Variants in ERBB4 observed in about 807,000 individuals in gnomAD.
The protein encoded by ERBB4 is erb-b2 receptor tyrosine kinase 4, also known as receptor tyrosine-protein kinase erbB-4.
ERBB4 carries 42 observed loss-of-function variants against 158.0 expected under a neutral mutation model. That is an observed-to-expected ratio of 0.27 (90% CI 0.21 to 0.34). ERBB4 has a LOEUF of 0.34. ERBB4 is among the 10% of genes least tolerant of loss of function. ERBB4 has a pLI of 1.00. For missense variants in ERBB4, 1,333 were observed against 1,624.1 expected (o/e 0.82, Z 3.08); for synonymous variants, 583 against 558.7 (o/e 1.04, Z -0.61).
chr2:212,472,601 T>A (rs1367562427), intron 1 of ERBB4, among the ~76,000 whole-genome samples: 3 of 151,838 alleles, frequency 2.0e-5, no homozygotes, highest in Non-Finnish European at 1.5e-5. Flanking sequence ...AGTATATAAT[T>A]GGAAAGAGCG....
intron 25 of ERBB4, among the ~76,000 whole-genome samples, chr2:211,389,681 A>T (rs544643703): frequency 6.6e-6 from 1 of 152,298 alleles, no homozygotes; most frequent in Non-Finnish European, 1.5e-5. Flanking sequence ...CAACAGACAG[A>T]TCGTTTAATG....
intron 20 of ERBB4, among the ~76,000 whole-genome samples, chr2:211,492,616 A>G (rs747413830): frequency 2.0e-5 from 3 of 152,092 alleles, no homozygotes; most frequent in Non-Finnish European, 4.4e-5. Flanking sequence ...TCAGCAAGAA[A>G]TAGAAAACAA....
intron 7 of ERBB4, among the ~76,000 whole-genome samples, chr2:211,717,101 TA>T (rs574845193): frequency 6.6e-6 from 1 of 152,090 alleles, no homozygotes; most frequent in Non-Finnish European, 1.5e-5. Context: ...AGGACTTGAA[TA>T]AAAGGGAAAG....
intron 3 of ERBB4, among the ~76,000 whole-genome samples, chr2:211,813,357 G>C (rs984339519): frequency 6.6e-6 from 1 of 152,162 alleles, no homozygotes. Flanking sequence ...ACGCTGTGTG[G>C]TTTTGAGACC....
In ERBB4 at chr2:211,788,133, C is replaced by A. The variant is rs1374439919; in HGVS notation, c.448G>T (p.Asp150Tyr). The A allele has an allele frequency of 2.5e-6, 4 of 1,612,352 alleles. No individual in the cohort carries two copies. Among genetic ancestry groups the A allele is most frequent in the Non-Finnish European group, 3.4e-6 (4 of 1,178,728 alleles). ...TEILNGGVYVDQNKFLCYADT... is the reference protein window; with the variant it reads ...TEILNGGVYVYQNKFLCYADT... ...GCATAACAAAGGAATTTGTTCTGGTCTACATAGACTCCACCATTTAGGATT... is the reference window on the plus strand; with the variant it reads ...GCATAACAAAGGAATTTGTTCTGGTATACATAGACTCCACCATTTAGGATT... The change falls in exon 4 of 28, where the codon GAC (aspartate) becomes TAC (tyrosine). Residue 150 changes from aspartate (D) to tyrosine (Y), a missense_variant. Asp to Tyr is a radical substitution (Grantham distance 160). Coordinates refer to ENST00000342788, the MANE Select transcript of ERBB4 (RefSeq NM_005235.3).
At chr2:212,108,660 C>A (rs1471711872) in intron 2 of ERBB4, among the ~76,000 whole-genome samples, 1 of 148,418 alleles carries the variant, frequency 6.7e-6, no homozygotes, top group Non-Finnish European at 1.5e-5. Flanking sequence ...CAACTATTCC[C>A]AATCACTTCA....
chr2:212,150,720 T>C (rs2080839313), intron 1 of ERBB4, among the ~76,000 whole-genome samples: 2 of 152,216 alleles, frequency 1.3e-5, no homozygotes, highest in African/African-American at 4.8e-5. Context: ...GGTTTGGCTG[T>C]GCAAAATTCC....
intron 1 of ERBB4, among the ~76,000 whole-genome samples, chr2:212,239,231 C>T (rs900603983): frequency 2.0e-5 from 3 of 152,054 alleles, no homozygotes; most frequent in African/African-American, 7.2e-5. Flanking sequence ...ATTTAAAAGG[C>T]AGGATCTTGC....
At chr2:211,586,009 T>G (rs2068264124) in intron 19 of ERBB4, among the ~76,000 whole-genome samples, 1 of 152,154 alleles carries the variant, frequency 6.6e-6, no homozygotes, top group Non-Finnish European at 1.5e-5. Context: ...TTCAAGAAAT[T>G]TACATCAAAA....
At chr2:211,581,465 T>C (rs2068102525) in intron 19 of ERBB4, among the ~76,000 whole-genome samples, 1 of 152,126 alleles carries the variant, frequency 6.6e-6, no homozygotes, top group African/African-American at 2.4e-5. Context: ...GCTCACCTCT[T>C]CAAGCCTATG....
In ERBB4 at chr2:212,246,340, A is replaced by G. The variant is rs1307009277; in HGVS notation, c.83-121437T>C. 3.3e-5 allele frequency among the ~76,000 whole-genome samples: 5 copies of G among 152,216 alleles called. No individual in the cohort carries two copies. In the East Asian group the frequency reaches 9.6e-4, roughly 29 times the overall value. ...TTGAATACGGCCACATGACTAATAA[A>G]TGTGCATGAGGTAAAATCTATTCAC... On this transcript the variant is annotated intron_variant, in intron 1 of 27. Transcript: ENST00000342788.
chr2:212,344,687 T>C (rs181398337), intron 1 of ERBB4, among the ~76,000 whole-genome samples: 1 of 152,286 alleles, frequency 6.6e-6, no homozygotes, highest in East Asian at 1.9e-4. Flanking sequence ...AAGTCCTACT[T>C]TCATGGTATA....
At chr2:211,720,135 G>T (rs889787180) in intron 7 of ERBB4, among the ~76,000 whole-genome samples, 1 of 152,170 alleles carries the variant, frequency 6.6e-6, no homozygotes, top group Non-Finnish European at 1.5e-5. Flanking sequence ...AAGAAAAGTT[G>T]TTCCCGGTAA....
In ERBB4 at chr2:212,173,711, T is replaced by C. The variant is rs183859593; in HGVS notation, c.83-48808A>G. On this transcript the variant is annotated intron_variant, in intron 1 of 27. Transcript: ENST00000342788. The stretch of plus-strand genomic sequence containing the variant: ...TGTTGATCTTATTGTGACTGACATA[T>C]AGGCAAATCCTCAGAAGAGAATCAG... Among the ~76,000 whole-genome samples, 6 of 152,090 alleles carry C rather than the reference T, an allele frequency of 3.9e-5. No homozygotes were observed. In the East Asian group the frequency reaches 1.2e-3, roughly 29 times the overall value.
intron 1 of ERBB4, among the ~76,000 whole-genome samples, chr2:212,490,219 T>C (rs1690198986): frequency 1.3e-5 from 2 of 151,852 alleles, no homozygotes; most frequent in Admixed American, 1.3e-4. Flanking sequence ...TTAATCTATA[T>C]ACTATAGTTT....
chr2:212,534,253 T>C (rs890329480), intron 1 of ERBB4, among the ~76,000 whole-genome samples: 1 of 152,254 alleles, frequency 6.6e-6, no homozygotes, highest in African/African-American at 2.4e-5. Context: ...GCACTGTGCA[T>C]AGCCATTAAT....
rs577620535 is a variant in ERBB4, at chr2:212,422,321, A to G, written c.82+116128T>C. 2.6e-5 allele frequency among the ~76,000 whole-genome samples: 4 copies of G among 152,266 alleles called. No individual in the cohort carries two copies. The East Asian group carries it at 5.8e-4, about 22-fold the overall frequency. On this transcript the variant is annotated intron_variant, in intron 1 of 27. Coordinates refer to ENST00000342788, the MANE Select transcript of ERBB4 (RefSeq NM_005235.3). ...GTAGCTCGAGACCAGTCTGGCCAACATGCTGAAACCCTGTCTCTACTAAAA... is the reference window on the plus strand; with the variant it reads ...GTAGCTCGAGACCAGTCTGGCCAACGTGCTGAAACCCTGTCTCTACTAAAA...
intron 2 of ERBB4, among the ~76,000 whole-genome samples, chr2:212,046,825 T>C (rs982730524): frequency 9.9e-5 from 15 of 152,192 alleles, no homozygotes; most frequent in African/African-American, 3.4e-4. Context: ...AGCTGTTTTT[T>C]TCTCCCAAAA....
chr2:211,749,230 T>C (rs377464979), intron 5 of ERBB4, among the ~76,000 whole-genome samples: 2 of 152,144 alleles, frequency 1.3e-5, no homozygotes, highest in African/African-American at 2.4e-5. Context: ...GAAAATAAGA[T>C]CTCCATTTTG....
Sources: gnomAD v4.1 joint callset for allele counts (sites outside exome capture counted in the v4.1 genomes callset) on GRCh38, gnomAD v4.1.1 for gene constraint, MANE v1.5 for transcripts, NCBI Gene and HGNC (gene_info 2026-07-23, HGNC 2026-07-21) for gene names.